The following CDRT4 variants were observed in gnomAD, a reference collection of about 807,000 sequenced individuals.
CDRT4 encodes the protein CMT1A duplicated region transcript 4 protein.
For missense variants in CDRT4, 167 were observed against 193.1 expected (o/e 0.87, Z 0.80); for synonymous variants, 64 against 69.6 (o/e 0.92, Z 0.40).
chr17:15,466,876 T>G (rs7207031), intron 1 of CDRT4, among the ~76,000 whole-genome samples: 3,799 of 152,340 alleles, frequency 0.025, 160 homozygotes, highest in African/African-American at 0.087. Flanking sequence ...AATAAGTGAC[T>G]TGATTATTAT....
chr17:15,461,440 T>C (rs1979746059), intron 1 of CDRT4, among the ~76,000 whole-genome samples: 1 of 152,236 alleles, frequency 6.6e-6, no homozygotes, highest in Non-Finnish European at 1.5e-5. Flanking sequence ...CTTGAGTTTA[T>C]TTTATTTCAA....
At chr17:15,463,461 A>G (rs1336914049) in intron 1 of CDRT4, among the ~76,000 whole-genome samples, 1 of 152,232 alleles carries the variant, frequency 6.6e-6, no homozygotes. Context: ...AAGGTAAAAT[A>G]AACATTTATT....
chr17:15,454,501 TA>T (rs900194900), intron 1 of CDRT4, among the ~76,000 whole-genome samples: 5 of 152,166 alleles, frequency 3.3e-5, no homozygotes, highest in African/African-American at 1.2e-4. Context: ...GGCACATGCA[TA>T]CACATACAGG....
intron 1 of CDRT4, among the ~76,000 whole-genome samples, chr17:15,453,778 C>T (rs1314647908): frequency 6.6e-6 from 1 of 152,146 alleles, no homozygotes; most frequent in Non-Finnish European, 1.5e-5. Context: ...CAAGACAGGT[C>T]AGTGACTTAG....
Position 15,440,210 on chromosome 17 carries a change from T to C in CDRT4, c.29A>G (p.Glu10Gly), listed in dbSNP as rs903862085. 15 of 1,598,122 alleles carry C rather than the reference T, an allele frequency of 9.4e-6. No individual in the cohort carries two copies. The South Asian group carries it at 1.6e-4, about 18-fold the overall frequency. The change falls in exon 3 of 4, where the codon GAA becomes GGA. Residue 10 changes from glutamate (E) to glycine (G), a missense_variant and splice_region_variant. Physicochemically the swap from Glu to Gly is moderately conservative, Grantham distance 98. Transcript: ENST00000619038. ...ACTGGTAACACTCCCAACCCTACCT[T>C]CTTCTTTCTTCATCCTTCTTGCATC... Reference protein sequence around the residue: MDARRMKKEEGLTENTGLPR... With the variant: MDARRMKKEGGLTENTGLPR...
At chr17:15,445,592 G>A (rs562181882) in intron 2 of CDRT4, among the ~76,000 whole-genome samples, 1 of 152,216 alleles carries the variant, frequency 6.6e-6, no homozygotes, top group South Asian at 2.1e-4. Flanking sequence ...CCCTTGTTTT[G>A]GAATTGCAAG....
At chr17:15,459,705 C>A (rs1411916122) in intron 1 of CDRT4, among the ~76,000 whole-genome samples, 1 of 152,104 alleles carries the variant, frequency 6.6e-6, no homozygotes, top group South Asian at 2.1e-4. Flanking sequence ...CTCGGCCTCC[C>A]AAAGTGCTGG....
At chr17:15,451,120 C>G (rs1979242278) in intron 2 of CDRT4, among the ~76,000 whole-genome samples, 1 of 152,150 alleles carries the variant, frequency 6.6e-6, no homozygotes, top group African/African-American at 2.4e-5. Context: ...TGGGAGGTAA[C>G]TGAATCATGG....
chr17:15,447,463 A>G (rs755173866), intron 2 of CDRT4, among the ~76,000 whole-genome samples: 1 of 152,218 alleles, frequency 6.6e-6, no homozygotes, highest in Non-Finnish European at 1.5e-5. Context: ...CTCGGGATCC[A>G]TGTTCTTCTT....
chr17:15,452,842 T>G (rs1299717051), intron 2 of CDRT4, among the ~76,000 whole-genome samples, 162 bp downstream of exon 2: 1 of 152,222 alleles, frequency 6.6e-6, no homozygotes, highest in Non-Finnish European at 1.5e-5. Flanking sequence ...GTTATTTAGT[T>G]GGGATGTGTC....
At chr17:15,460,784 T>C (rs1979711003) in intron 1 of CDRT4, among the ~76,000 whole-genome samples, 2 of 152,132 alleles carry the variant, frequency 1.3e-5, no homozygotes, top group South Asian at 4.1e-4. Flanking sequence ...TCCAAGGGTT[T>C]CCTCAGAGCC....
chr17:15,465,488 GACAT>G (rs1979992080), intron 1 of CDRT4, among the ~76,000 whole-genome samples: 1 of 138,982 alleles, frequency 7.2e-6, no homozygotes, highest in Non-Finnish European at 1.5e-5. Context: ...ATCAACACCA[GACAT>G]ACAAACACAG....
chr17:15,462,927 G>A (rs1040643391), intron 1 of CDRT4, among the ~76,000 whole-genome samples: 1 of 152,130 alleles, frequency 6.6e-6, no homozygotes, highest in African/African-American at 2.4e-5. Context: ...TCACCAAGAT[G>A]TAAGCTGTAT....
At chr17:15,466,300 G>C (rs987346276) in intron 1 of CDRT4, among the ~76,000 whole-genome samples, 9 of 152,142 alleles carry the variant, frequency 5.9e-5, no homozygotes, top group African/African-American at 2.2e-4. Context: ...AGTGGGCTTC[G>C]GGCTCAGGCC....
intron 1 of CDRT4, among the ~76,000 whole-genome samples, chr17:15,463,366 G>A (rs1253804191): frequency 6.6e-6 from 1 of 152,152 alleles, no homozygotes; most frequent in Non-Finnish European, 1.5e-5. Flanking sequence ...TAGCAAGTTG[G>A]CTCGTGTCTC....
chr17:15,460,310 A>G (rs1979690051), intron 1 of CDRT4, among the ~76,000 whole-genome samples: 1 of 152,060 alleles, frequency 6.6e-6, no homozygotes, highest in Non-Finnish European at 1.5e-5. Context: ...TCAAAATCCA[A>G]TTTATTATCA....
chr17:15,451,894 G>C (rs1979279656), intron 2 of CDRT4, among the ~76,000 whole-genome samples: 1 of 152,174 alleles, frequency 6.6e-6, no homozygotes. Flanking sequence ...TAAGCCACAT[G>C]ACAGCGATGA....
At chr17:15,452,722 T>G (rs1434909819) in intron 2 of CDRT4, 2 of 152,268 alleles carry the variant, frequency 1.3e-5, no homozygotes, top group Non-Finnish European at 2.9e-5. Flanking sequence ...CCAGTGATAC[T>G]TCTTTTGAGA....
In CDRT4 at chr17:15,450,654, T is replaced by C. The variant is rs1156393531; in HGVS notation, c.-48+2350A>G. Among the ~76,000 whole-genome samples the C allele has an allele frequency of 6.6e-6, 1 of 152,036 alleles. No individual in the cohort carries two copies. Among genetic ancestry groups the C allele is most frequent in the East Asian group, 1.9e-4 (1 of 5,180 alleles). On this transcript the variant is annotated intron_variant, in intron 2 of 3. Transcript: ENST00000619038. The surrounding 1 kb of genome is among the most constrained non-coding windows in gnomAD (Gnocchi z 4.2). The stretch of plus-strand genomic sequence containing the variant: ...CTCTACATCTCATCAATTTGCCACA[T>C]CTAACTAGACTGACTTCTTTCCCAA...
Sources: gnomAD v4.1 joint callset for allele counts (sites outside exome capture counted in the v4.1 genomes callset) on GRCh38, gnomAD v4.1.1 for gene constraint, Gnocchi (gnomAD v3.1) non-coding constraint, MANE v1.5 for transcripts, NCBI Gene and HGNC (gene_info 2026-07-23, HGNC 2026-07-21) for gene names.